Variants in ATP11C observed in about 807,000 individuals in gnomAD.
The protein encoded by ATP11C is phospholipid-transporting ATPase IG.
A neutral mutation model predicts 97.4 loss-of-function variants in ATP11C; 36 were observed. The observed-to-expected ratio is 0.37, with a 90% CI of 0.28 to 0.49. The LOEUF (loss-of-function observed/expected upper bound fraction) is 0.49. Ranked by LOEUF, ATP11C falls within the 20% of genes least tolerant of loss-of-function variation. ATP11C has a pLI of 0.98. For synonymous variants in ATP11C, 275 were observed against 290.9 expected, an observed-to-expected ratio of 0.95 and a Z score of 0.56; for missense variants, 730 against 824.6, an observed-to-expected ratio of 0.89 and a Z score of 1.40.
At chrX:139,762,724 G>A (rs773157025) in intron 21 of ATP11C, among the ~76,000 whole-genome samples, 1 of 111,241 alleles carries the variant, frequency 9.0e-6, no homozygotes, top group East Asian at 2.8e-4. Flanking sequence ...CCACCACCCT[G>A]CCAAAACAAA....
intron 1 of ATP11C, among the ~76,000 whole-genome samples, chrX:139,899,934 A>T (rs1285475120): frequency 1.8e-5 from 2 of 111,545 alleles, no homozygotes; most frequent in Non-Finnish European, 3.8e-5. Context: ...TCTTTGAGTC[A>T]AACATGAAGT....
At chrX:139,769,667 A>G (rs1296525035) in intron 19 of ATP11C, among the ~76,000 whole-genome samples, 1 of 111,176 alleles carries the variant, frequency 9.0e-6, no homozygotes, top group Non-Finnish European at 1.9e-5. Flanking sequence ...TGGTTATTCA[A>G]GTTTTGCTCC....
At chrX:139,796,085 T>C (rs1603372068) in intron 12 of ATP11C, among the ~76,000 whole-genome samples, 188 bp downstream of exon 12, 1 of 112,091 alleles carries the variant, frequency 8.9e-6, no homozygotes, top group African/African-American at 3.2e-5. Flanking sequence ...TTCTCAAAAA[T>C]GCCAGCAAAA....
At chrX:139,759,644 G>A (rs2082000791) in intron 22 of ATP11C, among the ~76,000 whole-genome samples, 1 of 111,757 alleles carries the variant, frequency 8.9e-6, no homozygotes, top group Admixed American at 9.5e-5. Flanking sequence ...ATGCAATGGC[G>A]AGAGGATGGA....
chrX:139,731,026 T>C (rs1603325299), intron 29 of ATP11C, among the ~76,000 whole-genome samples: 1 of 111,771 alleles, frequency 8.9e-6, no homozygotes, highest in East Asian at 2.8e-4. Flanking sequence ...TGAATGGCTA[T>C]GAAATATTTT....
chrX:139,743,540 G>T lies in ATP11C; in HGVS notation c.3030+19C>A. On this transcript the variant is annotated intron_variant, in intron 26 of 29. Coordinates refer to ENST00000682941, the MANE Select transcript of ATP11C (RefSeq NM_001353812.2). ...ATAAAAACAGTATTAAAAAATACAT[G>T]AATAAGTAAAAATCTAACCTTCAGG... 1 of 1,066,123 alleles carries T rather than the reference G, an allele frequency of 9.4e-7. No homozygotes were observed. Among genetic ancestry groups the T allele is most frequent in the Non-Finnish European group, 1.3e-6 (1 of 783,200 alleles). The allele number at this position is 1,066,123 out of a possible 1,213,427, so 87.9% of individuals were successfully genotyped here. A position where few individuals can be genotyped will look rare whatever the true frequency, so the allele number is the denominator to read the frequency against.
chrX:139,904,323 T>G (rs1377186489), intron 1 of ATP11C, among the ~76,000 whole-genome samples: 2 of 109,596 alleles, frequency 1.8e-5, no homozygotes, highest in African/African-American at 6.7e-5. Context: ...AGGTCGGGAG[T>G]TCGAGATCAG....
At chrX:139,899,050 C>T (rs1208389703) in intron 1 of ATP11C, among the ~76,000 whole-genome samples, 1 of 111,790 alleles carries the variant, frequency 8.9e-6, no homozygotes, top group East Asian at 2.8e-4. Context: ...ACGAGGAAAA[C>T]ATCAGACAAA....
intron 26 of ATP11C, among the ~76,000 whole-genome samples, chrX:139,742,874 AAAATATATATATATATATAT>A (rs200726988): frequency 0.15 from 3,528 of 24,151 alleles, 103 homozygotes; most frequent in East Asian, 0.39. Context: ...TAAAAAAAAA[AAAATATATATATATATATAT>A]ATATATATAT....
rs765829639 is a variant in ATP11C at position 139,838,512 on chromosome X, AAC to A, written c.28-11691_28-11690del. 3.2e-3 allele frequency among the ~76,000 whole-genome samples: 365 copies of A among 112,340 alleles called. 2 individuals are homozygous for A. Among genetic ancestry groups the A allele is most frequent in the African/African-American group, 0.011 (339 of 30,974 alleles). ...GTAAAATGATTCAGCTCCTATGAGAAACAGTTTGGCAGTTCATTAAAAAGTTA... is the reference window on the plus strand; with the variant it reads ...GTAAAATGATTCAGCTCCTATGAGAAAGTTTGGCAGTTCATTAAAAAGTTA... On this transcript the variant is annotated intron_variant, in intron 1 of 29. Coordinates refer to ENST00000682941, the MANE Select transcript of ATP11C (RefSeq NM_001353812.2).
chrX:139,820,631 C>G (rs1393107314), intron 2 of ATP11C, among the ~76,000 whole-genome samples: 2 of 109,035 alleles, frequency 1.8e-5, no homozygotes, highest in Non-Finnish European at 3.8e-5. Flanking sequence ...CCACTCTGGG[C>G]TGCGCTTTGG....
chrX:139,908,246 C>T (rs1438653246), intron 1 of ATP11C, among the ~76,000 whole-genome samples: 1 of 111,432 alleles, frequency 9.0e-6, no homozygotes, highest in Non-Finnish European at 1.9e-5. Context: ...CAAGCTGGTT[C>T]CAGTAACTAC....
At chrX:139,893,562 T>C (rs1032209057) in intron 1 of ATP11C, among the ~76,000 whole-genome samples, 1 of 111,805 alleles carries the variant, frequency 8.9e-6, no homozygotes, top group African/African-American at 3.2e-5. Flanking sequence ...TTTTATCTAA[T>C]GTACCTTATC....
intron 27 of ATP11C, among the ~76,000 whole-genome samples, chrX:139,739,987 T>C (rs373098441): frequency 1.8e-4 from 20 of 112,129 alleles, no homozygotes; most frequent in African/African-American, 6.5e-4. Flanking sequence ...ATATTTTTAT[T>C]TCTTAAGGTT....
intron 1 of ATP11C, among the ~76,000 whole-genome samples, chrX:139,917,726 C>G (rs2085175141): frequency 1.8e-5 from 2 of 111,074 alleles, no homozygotes; most frequent in African/African-American, 6.6e-5. Flanking sequence ...GAGGCCAAGG[C>G]AGGGGGATCA....
chrX:139,876,646 C>T (rs1328438576), intron 1 of ATP11C, among the ~76,000 whole-genome samples: 2 of 112,103 alleles, frequency 1.8e-5, no homozygotes, highest in East Asian at 5.6e-4. Context: ...GCAAGTGATG[C>T]CAATTTTAAT....
At chrX:139,846,559 C>T (rs932706367) in intron 1 of ATP11C, among the ~76,000 whole-genome samples, 2 of 111,489 alleles carry the variant, frequency 1.8e-5, no homozygotes, top group Non-Finnish European at 3.8e-5. Flanking sequence ...AACACAACCA[C>T]CCAGTTGCTA....
chrX:139,909,856 G>A (rs2085044467), intron 1 of ATP11C: 1 of 111,735 alleles, frequency 8.9e-6, no homozygotes, highest in Non-Finnish European at 1.9e-5. Context: ...GAAGACGCTG[G>A]GGAAATGAGA....
chrX:139,767,878 T>C lies in ATP11C; in HGVS notation c.2391+382A>G, dbSNP rs1457527938. On this transcript the variant is annotated intron_variant, in intron 20 of 29. Transcript: ENST00000682941. ...AGCAAAGGAGAAATGAGAAAGAGAATGGAAGACTACACAAGGGATGGGCCA... is the reference window on the plus strand; with the variant it reads ...AGCAAAGGAGAAATGAGAAAGAGAACGGAAGACTACACAAGGGATGGGCCA... 3.6e-5 allele frequency among the ~76,000 whole-genome samples: 4 copies of C among 110,933 alleles called. No individual in the cohort carries two copies. The East Asian group carries it at 1.1e-3, about 32-fold the overall frequency.
Sources: allele counts gnomAD v4.1 joint callset (sites outside exome capture counted in the v4.1 genomes callset), GRCh38; gene constraint gnomAD v4.1.1; transcripts MANE v1.5; gene names NCBI Gene and HGNC (gene_info 2026-07-23, HGNC 2026-07-21).